Variants in SUCLG2 observed in about 807,000 individuals in gnomAD.
The protein encoded by SUCLG2 is succinate-CoA ligase GDP-forming subunit beta, also known as succinate--CoA ligase [GDP-forming] subunit beta, mitochondrial.
Under a neutral mutation model 47.9 loss-of-function variants are expected in SUCLG2, and 42 were observed. The observed-to-expected ratio is 0.88, with a 90% confidence interval of 0.69 to 1.14. SUCLG2 has a LOEUF of 1.14. SUCLG2 is among the 50% of genes most tolerant of loss of function. The pLI, the probability that SUCLG2 is intolerant of heterozygous loss-of-function variation, is 0.00. For synonymous variants in SUCLG2, 195 were observed against 197.3 expected (o/e 0.99, Z 0.10); for missense variants, 571 against 525.9 (o/e 1.09, Z -0.84).
At chr3:67,503,357 C>T (rs1705552675) in intron 7 of SUCLG2, among the ~76,000 whole-genome samples, 1 of 152,104 alleles carries the variant, frequency 6.6e-6, no homozygotes, top group African/African-American at 2.4e-5. Context: ...AAATAAAAAC[C>T]TGTGGCTACG....
At chr3:67,360,543 G>A (rs1223860077) in exon 11 of SUCLG2, 18 of 1,350,978 alleles carry the variant, frequency 1.3e-5, no homozygotes, top group Non-Finnish European at 1.7e-5. Flanking sequence ...GCATGCAGCT[G>A]AACCCAAATG....
intron 9 of SUCLG2, among the ~76,000 whole-genome samples, chr3:67,405,550 C>T (rs1702784206): frequency 6.6e-6 from 1 of 152,202 alleles, no homozygotes; most frequent in East Asian, 1.9e-4. Context: ...CCATGGCTAC[C>T]CTGCTCCTAC....
chr3:67,648,927 T>C (rs1701238669), intron 1 of SUCLG2, among the ~76,000 whole-genome samples: 1 of 152,166 alleles, frequency 6.6e-6, no homozygotes, highest in Non-Finnish European at 1.5e-5. Flanking sequence ...GCTGTATCAC[T>C]TTGCCTTTGT....
At chr3:67,392,628 C>A (rs1354935499) in intron 10 of SUCLG2, among the ~76,000 whole-genome samples, 2 of 152,146 alleles carry the variant, frequency 1.3e-5, no homozygotes, top group Admixed American at 6.5e-5. Context: ...TCCTAATACA[C>A]TTTAGGCAGG....
intron 9 of SUCLG2, among the ~76,000 whole-genome samples, chr3:67,415,764 A>G (rs1415978838): frequency 6.6e-6 from 1 of 152,196 alleles, no homozygotes; most frequent in Non-Finnish European, 1.5e-5. Context: ...TATGCCCACA[A>G]ATCCCTTAAT....
chr3:67,375,657 A>G lies in SUCLG2; in HGVS notation c.*87T>C, dbSNP rs181384277. 36 of 1,474,166 alleles carry G rather than the reference A, an allele frequency of 2.4e-5. No homozygotes were observed. The highest frequency in any genetic ancestry group is 5.0e-4 in the Middle Eastern group (2 of 3,982). 91.3% of individuals were successfully genotyped at this position (1,474,166 alleles called of 1,614,324 possible). On this transcript the variant is annotated 3_prime_UTR_variant, in exon 11 of 11. Transcript: ENST00000307227. ...CTTCCCCCTCCCCTTTTCTTCCCCA[A>G]TGAGATAACCATTTCTTTCACAATG...
Position 67,520,527 on chromosome 3 carries a change from G to A in SUCLG2, c.525C>T (p.Val175=), listed in dbSNP as rs1193160232. Reference sequence around the variant, plus strand: ...TTGAAGCAGCCACCTCTTCAATGTCGACGCCCCCCTGGGGGCTGCCCACCA... The same window carrying A: ...TTGAAGCAGCCACCTCTTCAATGTCAACGCCCCCCTGGGGGCTGCCCACCA... ...PVLVGSPQGG[V]DIEEVAASNP... is the part of the protein sequence containing the mutation. Residue 175 remains valine (V), a synonymous_variant, in exon 5 of 11, where the codon GTC becomes GTT. Transcript: ENST00000307227. 1.9e-6 allele frequency: 3 copies of A among 1,614,058 alleles called. No homozygotes were observed. Among genetic ancestry groups the A allele is most frequent in the Non-Finnish European group, 2.5e-6 (3 of 1,179,996 alleles).
At chr3:67,408,787 T>C (rs1238222764) in intron 9 of SUCLG2, 4 of 1,347,382 alleles carry the variant, frequency 3.0e-6, no homozygotes, top group Non-Finnish European at 3.8e-6. Context: ...TAACTTTCCC[T>C]GGTAAATAAA....
At chr3:67,568,318 T>C (rs552266723) in intron 2 of SUCLG2, among the ~76,000 whole-genome samples, 104 of 152,180 alleles carry the variant, frequency 6.8e-4, no homozygotes, top group Non-Finnish European at 1.2e-3. Context: ...AAGCATCGAA[T>C]AGATTTTAAA....
intron 10 of SUCLG2, among the ~76,000 whole-genome samples, chr3:67,389,663 T>C (rs1702336936): frequency 6.6e-6 from 1 of 152,206 alleles, no homozygotes; most frequent in Non-Finnish European, 1.5e-5. Flanking sequence ...CATTTAGTTG[T>C]AGTTTATCCA....
At chr3:67,457,978 T>G (rs370673001) in intron 9 of SUCLG2, among the ~76,000 whole-genome samples, 1 of 152,166 alleles carries the variant, frequency 6.6e-6, no homozygotes, top group Non-Finnish European at 1.5e-5. Flanking sequence ...GGCCAATGCC[T>G]TGAGAAGGCT....
At chr3:67,556,578 G>T (rs1388468311) in intron 2 of SUCLG2, among the ~76,000 whole-genome samples, 4 of 152,038 alleles carry the variant, frequency 2.6e-5, no homozygotes, top group Non-Finnish European at 5.9e-5. Context: ...GACAGCTAGT[G>T]GTGTCTGCTG....
chr3:67,581,516 T>C (rs1331032804), intron 2 of SUCLG2, among the ~76,000 whole-genome samples: 2 of 152,240 alleles, frequency 1.3e-5, no homozygotes, highest in Non-Finnish European at 2.9e-5. Flanking sequence ...GCTGCAATTC[T>C]TTGCTTTAAT....
chr3:67,564,729 A>G (rs1462517513), intron 2 of SUCLG2, among the ~76,000 whole-genome samples: 3 of 152,210 alleles, frequency 2.0e-5, no homozygotes, highest in Admixed American at 6.5e-5. Flanking sequence ...TTCATGAGCT[A>G]TCTATTGTTA....
At chr3:67,592,366 G>C (rs1708184313) in intron 2 of SUCLG2, among the ~76,000 whole-genome samples, 1 of 152,064 alleles carries the variant, frequency 6.6e-6, no homozygotes, top group African/African-American at 2.4e-5. Flanking sequence ...ATCCAGGCCT[G>C]GAAACTCACT....
At chr3:67,434,759 T>C (rs1177138425) in intron 9 of SUCLG2, among the ~76,000 whole-genome samples, 6 of 152,228 alleles carry the variant, frequency 3.9e-5, no homozygotes, top group African/African-American at 1.2e-4. Flanking sequence ...ATTTCATATA[T>C]ATGTGACTAT....
At chr3:67,374,096 T>C (rs114265140), downstream of SUCLG2, among the ~76,000 whole-genome samples, 178 of 152,338 alleles carry the variant, frequency 1.2e-3, 1 homozygote, top group Middle Eastern at 0.024. Flanking sequence ...AAATGTTGTC[T>C]AGTTGACATA....
chr3:67,410,998 T>C (rs1185847845), intron 9 of SUCLG2, among the ~76,000 whole-genome samples: 1 of 152,194 alleles, frequency 6.6e-6, no homozygotes, highest in African/African-American at 2.4e-5. Flanking sequence ...GTCATCTTGA[T>C]GCATGTAAAT....
chr3:67,466,953 T>C (rs987044121), intron 9 of SUCLG2, among the ~76,000 whole-genome samples: 2 of 152,252 alleles, frequency 1.3e-5, no homozygotes, highest in Non-Finnish European at 2.9e-5. Flanking sequence ...TATCTTTCCC[T>C]GGAGGGGAAA....
Sources: gnomAD v4.1 joint callset for allele counts (sites outside exome capture counted in the v4.1 genomes callset) on GRCh38, gnomAD v4.1.1 for gene constraint, MANE v1.5 for transcripts, NCBI Gene and HGNC (gene_info 2026-07-23, HGNC 2026-07-21) for gene names.